Variants in ATP13A3 observed in about 807,000 individuals in gnomAD.
ATP13A3 encodes the protein polyamine-transporting ATPase 13A3.
A neutral mutation model predicts 158.1 loss-of-function variants in ATP13A3; 59 were observed. The ratio of observed to expected loss-of-function variants is 0.37; its 90% CI spans 0.30 to 0.46. The LOEUF (loss-of-function observed/expected upper bound fraction) is 0.46. ATP13A3 is among the 20% of genes least tolerant of loss of function. The pLI is 1.00. For synonymous variants in ATP13A3, 491 were observed against 504.3 expected (o/e 0.97, Z 0.35); for missense variants, 1,166 against 1,525.2 (o/e 0.76, Z 3.92).
At chr3:194,407,687 G>C (rs1320919907) in intron 33 of ATP13A3, among the ~76,000 whole-genome samples, 1 of 152,112 alleles carries the variant, frequency 6.6e-6, no homozygotes, top group African/African-American at 2.4e-5. Flanking sequence ...TAAGCTACGT[G>C]GCATTCTGGG....
At chr3:194,426,565 T>C (rs1697082754) in intron 29 of ATP13A3, among the ~76,000 whole-genome samples, 1 of 152,140 alleles carries the variant, frequency 6.6e-6, no homozygotes, top group African/African-American at 2.4e-5. Flanking sequence ...CAGTAACAAA[T>C]TAAGAAACTG....
Position 194,453,688 on chromosome 3 carries a change from C to G in ATP13A3, c.838+18G>C. On this transcript the variant is annotated intron_variant, in intron 10 of 33. Coordinates refer to ENST00000645319, the MANE Select transcript of ATP13A3 (RefSeq NM_001367549.1). ...AGGTATCTTTTTTGATTTATTCTTC[C>G]AACATTCAATTACTTACCTTCATTT... The G allele has an allele frequency of 6.3e-7, 1 of 1,595,988 alleles. No homozygotes were observed. The highest frequency in any genetic ancestry group is 8.6e-7 in the Non-Finnish European group (1 of 1,164,546).
Position 194,425,290 on chromosome 3 carries a change from T to A in ATP13A3, c.3313+52A>T, listed in dbSNP as rs895708860. On this transcript the variant is annotated intron_variant, in intron 30 of 33. Coordinates refer to ENST00000645319, the MANE Select transcript of ATP13A3 (RefSeq NM_001367549.1). Reference sequence around the variant, plus strand: ...ACAGTTATAATTATTCTCTTCTACATTAGTTTTAAAGGGGCAAGCAGGGTG... The same window carrying A: ...ACAGTTATAATTATTCTCTTCTACAATAGTTTTAAAGGGGCAAGCAGGGTG... 8 of 1,463,772 alleles carry A rather than the reference T, an allele frequency of 5.5e-6. No individual in the cohort carries two copies. In the Admixed American group the frequency reaches 1.3e-4, roughly 24 times the overall value. 90.7% of individuals were successfully genotyped at this position (1,463,772 alleles called of 1,614,324 possible).
chr3:194,406,002 A>AACCAAGAGC lies in ATP13A3; in HGVS notation c.3687_3688insGCTCTTGGT (p.Glu1229_Trp1230insAlaLeuGly). On this transcript the variant is annotated inframe_insertion, in exon 34 of 34. Coordinates refer to ENST00000645319, the MANE Select transcript of ATP13A3 (RefSeq NM_001367549.1). Reference sequence around the variant, plus strand: ...GTGGTTGTCTGAGGTTTTGGTGGCCATTCTGGATCAACCAAGAGCTCCTGC... The same window carrying AACCAAGAGC: ...GTGGTTGTCTGAGGTTTTGGTGGCCAACCAAGAGCTTCTGGATCAACCAAGAGCTCCTGC... 6.2e-7 allele frequency: 1 copy of AACCAAGAGC among 1,614,180 alleles called. No homozygotes were observed. Among genetic ancestry groups the AACCAAGAGC allele is most frequent in the Non-Finnish European group, 8.5e-7 (1 of 1,180,028 alleles).
rs965458233 is a variant in ATP13A3, at chr3:194,459,537, C to T, written c.413G>A (p.Arg138His). The T allele has an allele frequency of 8.1e-6, 13 of 1,602,282 alleles. No individual in the cohort carries two copies. The highest frequency in any genetic ancestry group is 1.0e-5 in the Non-Finnish European group (12 of 1,170,492). The change falls in exon 6 of 34, where the codon CGT becomes CAT. Residue 138 changes from arginine (R) to histidine (H), a missense_variant. By Grantham distance (29) the Arg-to-His change is conservative (BLOSUM62 0). This residue lies in a region of ATP13A3 where 104 missense variants were observed against 91.7 expected (regional missense o/e 1.13). Transcript: ENST00000645319. ...TTTTACACTATGGTGGGTGAAATAACGAATCTGTGGAACACAAATAAACGT... is the reference window on the plus strand; with the variant it reads ...TTTTACACTATGGTGGGTGAAATAATGAATCTGTGGAACACAAATAAACGT... ...KYSQTESQQIRYFTHHSVKYF... is the reference protein window; with the variant it reads ...KYSQTESQQIHYFTHHSVKYF...
intron 33 of ATP13A3, among the ~76,000 whole-genome samples, chr3:194,410,025 G>A (rs763816604): frequency 9.9e-5 from 15 of 151,620 alleles, no homozygotes; most frequent in Non-Finnish European, 2.1e-4. Flanking sequence ...CCACAGAAAC[G>A]GAAGACTTAA....
intron 2 of ATP13A3, among the ~76,000 whole-genome samples, chr3:194,484,565 ACTTTAT>A (rs58980978): frequency 0.14 from 21,461 of 152,094 alleles, 2,721 homozygotes; most frequent in African/African-American, 0.34. Context: ...GCCCTATGGA[ACTTTAT>A]CTTTATTCTG....
intron 28 of ATP13A3, among the ~76,000 whole-genome samples, chr3:194,428,570 G>C (rs1016771849): frequency 1.3e-5 from 2 of 152,056 alleles, no homozygotes; most frequent in Admixed American, 1.3e-4. Context: ...TAAAAGAATG[G>C]TTTTGCTTTT....
intron 8 of ATP13A3, among the ~76,000 whole-genome samples, chr3:194,455,456 T>C (rs528139222): frequency 7.9e-5 from 12 of 152,322 alleles, no homozygotes; most frequent in South Asian, 6.2e-4. Flanking sequence ...GTACTAAAGA[T>C]CAGAGCTAGT....
At chr3:194,430,698 A>G (rs75000757) in intron 24 of ATP13A3, among the ~76,000 whole-genome samples, 2,117 of 152,312 alleles carry the variant, frequency 0.014, 16 homozygotes, top group Middle Eastern at 0.031. Flanking sequence ...CACTTCTATC[A>G]AGATAGAGCA....
At chr3:194,475,287 A>G (rs1464425687) in intron 2 of ATP13A3, among the ~76,000 whole-genome samples, 3 of 152,226 alleles carry the variant, frequency 2.0e-5, no homozygotes, top group Non-Finnish European at 4.4e-5. Flanking sequence ...TTTGAAACAA[A>G]GCAAAATTAG....
chr3:194,459,884 T>C lies in ATP13A3; in HGVS notation c.313A>G (p.Lys105Glu), dbSNP rs749834029. 3.1e-6 allele frequency: 5 copies of C among 1,613,240 alleles called. No homozygotes were observed. Among genetic ancestry groups the C allele is most frequent in the Non-Finnish European group, 4.2e-6 (5 of 1,179,406 alleles). ...CAAACTGCATGGCCATTTGAAAGCT[T>C]ATTAGACATAGATTTTGGACTTGAA... ...PVSSPKSMSN[K>E]LSNGHAVCLI... Residue 105 changes from lysine (K) to glutamate (E), a missense_variant, in exon 5 of 34, where the codon AAG becomes GAG. Physicochemically the swap from Lys to Glu is moderately conservative, Grantham distance 56. Coordinates refer to ENST00000645319, the MANE Select transcript of ATP13A3 (RefSeq NM_001367549.1).
chr3:194,451,146 C>T (rs1336100921), intron 10 of ATP13A3: 1 of 152,064 alleles, frequency 6.6e-6, no homozygotes, highest in Non-Finnish European at 1.5e-5. Flanking sequence ...GCCTGTAAGA[C>T]AAACACTCTT....
chr3:194,487,621 T>C (rs758078097), upstream of ATP13A3: 1 of 152,258 alleles, frequency 6.6e-6, no homozygotes, highest in African/African-American at 2.4e-5. Context: ...CCGACCGTCC[T>C]GGATGCAAAT....
chr3:194,490,248 A>G (rs146457483), upstream of ATP13A3, among the ~76,000 whole-genome samples: 20 of 152,156 alleles, frequency 1.3e-4, no homozygotes, highest in East Asian at 3.3e-3. The surrounding 1 kb of genome is among the most constrained non-coding windows in gnomAD (Gnocchi z 4.4). Flanking sequence ...CCCAGGATCT[A>G]TTTTCCCACT....
In ATP13A3 at chr3:194,486,756, GCCGGGCCGGC is replaced by G. The variant is rs1014221516; in HGVS notation, c.-289_-280del. 5 of 150,814 alleles carry G rather than the reference GCCGGGCCGGC, an allele frequency of 3.3e-5. No individual in the cohort carries two copies. The highest frequency in any genetic ancestry group is 6.6e-5 in the Admixed American group (1 of 15,122). 9.3% of individuals were successfully genotyped at this position (150,814 alleles called of 1,614,324 possible). Reference sequence around the variant, plus strand: ...TGAGGGAAGGAGGCGCCGCGGCGGGGCCGGGCCGGCCCTGGGACGTCCGCGCTCTCCTCCT... The same window carrying G: ...TGAGGGAAGGAGGCGCCGCGGCGGGGCCTGGGACGTCCGCGCTCTCCTCCT... On this transcript the variant is annotated 5_prime_UTR_variant, in exon 1 of 34. Transcript: ENST00000645319.
intron 2 of ATP13A3, among the ~76,000 whole-genome samples, chr3:194,476,520 C>T (rs975452836): frequency 1.3e-5 from 2 of 152,188 alleles, no homozygotes; most frequent in African/African-American, 4.8e-5. Flanking sequence ...CCTTCGAACT[C>T]TTCCTATCTC....
chr3:194,464,264 C>T (rs937613645), intron 2 of ATP13A3, among the ~76,000 whole-genome samples: 1 of 152,118 alleles, frequency 6.6e-6, no homozygotes, highest in African/African-American at 2.4e-5. Flanking sequence ...AACATTGGTG[C>T]AAAAATAAAT....
intron 8 of ATP13A3, 146 bp downstream of exon 8, chr3:194,455,747 A>C (rs1458863500): frequency 1.7e-6 from 1 of 601,218 alleles, no homozygotes; most frequent in Non-Finnish European, 2.9e-6. Context: ...CTACCAGAGT[A>C]AATGTCTTCC....
Sources: gnomAD v4.1 joint callset for allele counts (sites outside exome capture counted in the v4.1 genomes callset) on GRCh38, gnomAD v4.1.1 for gene constraint, gnomAD v4.1.1 regional missense constraint, Gnocchi (gnomAD v3.1) non-coding constraint, MANE v1.5 for transcripts, NCBI Gene and HGNC (gene_info 2026-07-23, HGNC 2026-07-21) for gene names.